The following DLG2 variants were observed in gnomAD, a reference collection of about 807,000 sequenced individuals.
DLG2 encodes disks large homolog 2.
Under a neutral mutation model 132.5 loss-of-function variants are expected in DLG2, and 45 were observed. The ratio of observed to expected loss-of-function variants is 0.34; its 90% confidence interval spans 0.27 to 0.44. The LOEUF (loss-of-function observed/expected upper bound fraction) is 0.44, where lower values mean the gene tolerates loss of function less well. DLG2 is among the 20% of genes least tolerant of loss of function. The pLI, the probability that DLG2 is intolerant of heterozygous loss-of-function variation, is 1.00. For synonymous variants in DLG2, 424 were observed against 419.6 expected, an observed-to-expected ratio of 1.01 and a Z score of -0.13; for missense variants, 1,045 against 1,196.9, an observed-to-expected ratio of 0.87 and a Z score of 1.87.
intron 19 of DLG2, among the ~76,000 whole-genome samples, chr11:83,560,099 G>A (rs1464297404): frequency 6.6e-6 from 1 of 151,722 alleles, no homozygotes; most frequent in East Asian, 1.9e-4. Flanking sequence ...GAGAGGGGAA[G>A]GATGGGGGCT....
intron 7 of DLG2, among the ~76,000 whole-genome samples, chr11:84,303,177 A>C (rs568034231): frequency 6.6e-6 from 1 of 152,330 alleles, no homozygotes; most frequent in South Asian, 2.1e-4. Flanking sequence ...GTAATTAAGT[A>C]TGATAACAGG....
chr11:83,538,702 G>C (rs2095966936), intron 20 of DLG2, among the ~76,000 whole-genome samples: 1 of 152,190 alleles, frequency 6.6e-6, no homozygotes, highest in African/African-American at 2.4e-5. Context: ...CATGATCAGT[G>C]CTGTTATCAG....
In DLG2 at chr11:85,316,420, T is replaced by A. The variant is rs569909098; in HGVS notation, c.41-31055A>T. On this transcript the variant is annotated intron_variant, in intron 3 of 27. Coordinates refer to ENST00000376104, the MANE Select transcript of DLG2 (RefSeq NM_001142699.3). ...TTATATTTTTAAATATCTGGTACTATCTCCTACCAAGTGGGAGCCATATTG... is the reference window on the plus strand; with the variant it reads ...TTATATTTTTAAATATCTGGTACTAACTCCTACCAAGTGGGAGCCATATTG... Among the ~76,000 whole-genome samples, 8 of 152,102 alleles carry A rather than the reference T, an allele frequency of 5.3e-5. No individual in the cohort carries two copies. In the East Asian group the frequency reaches 1.5e-3, roughly 29 times the overall value.
chr11:83,786,858 A>C, intron 17 of DLG2, 66 bp from the exon 18 acceptor site: 1 of 1,448,378 alleles, frequency 6.9e-7, no homozygotes, highest in South Asian at 1.2e-5. Flanking sequence ...AGAAGAAAAA[A>C]GTTTCCCAAA....
Position 85,257,574 on chromosome 11 carries a change from AC to A in DLG2, c.186+27645del, listed in dbSNP as rs529534378. 8.0e-3 allele frequency among the ~76,000 whole-genome samples: 1,223 copies of A among 152,252 alleles called. 16 individuals are homozygous for A. The highest frequency in any genetic ancestry group is 0.028 in the African/African-American group (1,152 of 41,546). ...GAATTTTTAATAACAATGCAGTAAA[AC>A]TTTTTGATAAAGGTAAAGATGAGGT... On this transcript the variant is annotated intron_variant, in intron 4 of 27. Coordinates refer to ENST00000376104, the MANE Select transcript of DLG2 (RefSeq NM_001142699.3).
chr11:84,199,923 C>A (rs751000300), intron 8 of DLG2, among the ~76,000 whole-genome samples: 3 of 151,630 alleles, frequency 2.0e-5, no homozygotes, highest in Non-Finnish European at 2.9e-5. Context: ...ATGAAAAAAA[C>A]CACAGTTCTA....
At chr11:84,574,909 C>T (rs755081713) in intron 6 of DLG2, among the ~76,000 whole-genome samples, 9 of 152,120 alleles carry the variant, frequency 5.9e-5, no homozygotes, top group Admixed American at 2.0e-4. Context: ...AGCATCTACC[C>T]AGCCAACTGG....
intron 8 of DLG2, among the ~76,000 whole-genome samples, chr11:84,181,776 A>C (rs1294358703): frequency 6.6e-6 from 1 of 152,238 alleles, no homozygotes; most frequent in Admixed American, 6.6e-5. Flanking sequence ...AAATTATCAG[A>C]GATAAATAGA....
At chr11:85,567,266 T>C (rs1336991349) in intron 3 of DLG2, among the ~76,000 whole-genome samples, 1 of 152,212 alleles carries the variant, frequency 6.6e-6, no homozygotes, top group Non-Finnish European at 1.5e-5. Context: ...CAGGAAGTAT[T>C]ACCATCTTAA....
At chr11:83,735,873 C>A (rs1222967421) in intron 18 of DLG2, among the ~76,000 whole-genome samples, 1 of 152,140 alleles carries the variant, frequency 6.6e-6, no homozygotes, top group Non-Finnish European at 1.5e-5. Context: ...ACTGACTAAT[C>A]AAAATTAGCA....
intron 18 of DLG2, among the ~76,000 whole-genome samples, chr11:83,774,044 GA>G (rs1157455224): frequency 1.3e-5 from 2 of 152,166 alleles, no homozygotes; most frequent in Non-Finnish European, 2.9e-5. Context: ...GCTCTGGCTG[GA>G]GTGGGACTGG....
intron 9 of DLG2, among the ~76,000 whole-genome samples, chr11:84,143,480 TA>T (rs2094941937): frequency 6.6e-6 from 1 of 152,190 alleles, no homozygotes; most frequent in South Asian, 2.1e-4. Flanking sequence ...CCAAACATCT[TA>T]AACTTTAAAA....
Position 84,099,064 on chromosome 11 carries a change from C to G in DLG2, c.625-17G>C. 2 of 1,611,142 alleles carry G rather than the reference C, an allele frequency of 1.2e-6. No individual in the cohort carries two copies. Among genetic ancestry groups the G allele is most frequent in the South Asian group, 2.2e-5 (2 of 91,010 alleles). The stretch of plus-strand genomic sequence containing the variant: ...AGAATTCCCCTATAGAAACAAAAAG[C>G]AGATATTAAATGATGTGTCTGTCAC... On this transcript the variant is annotated splice_polypyrimidine_tract_variant and intron_variant, in intron 9 of 27. Transcript: ENST00000376104.
At chr11:84,917,484 A>G (rs1413695823) in intron 6 of DLG2, among the ~76,000 whole-genome samples, 1 of 152,228 alleles carries the variant, frequency 6.6e-6, no homozygotes, top group Non-Finnish European at 1.5e-5. Context: ...CTTCACTGGC[A>G]CTTAATATTT....
intron 7 of DLG2, among the ~76,000 whole-genome samples, chr11:84,382,110 A>G (rs1601084772): frequency 1.3e-5 from 2 of 152,308 alleles, no homozygotes; most frequent in South Asian, 4.1e-4. Context: ...AGCAGTCCTG[A>G]CATGGAAGGA....
chr11:83,577,878 A>C (rs2096905349), intron 19 of DLG2, among the ~76,000 whole-genome samples: 1 of 123,990 alleles, frequency 8.1e-6, no homozygotes, highest in African/African-American at 3.1e-5. Context: ...AATATATATA[A>C]TATAAATATA....
intron 6 of DLG2, among the ~76,000 whole-genome samples, chr11:84,752,569 T>C (rs1296239656): frequency 4.0e-5 from 6 of 150,636 alleles, no homozygotes; most frequent in Non-Finnish European, 7.4e-5. Flanking sequence ...TTTTTCTTTT[T>C]TTTTTTTTTT....
In DLG2 at chr11:83,573,824, G is replaced by T. The variant is rs181792812; in HGVS notation, c.1941-31966C>A. ...CCCCCAATACAGGATAACTACATGT[G>T]GTTCAGTCCTGGAGAAGCACAATTT... On this transcript the variant is annotated intron_variant, in intron 19 of 27. Transcript: ENST00000376104. Among the ~76,000 whole-genome samples, 386 of 152,216 alleles carry T rather than the reference G, an allele frequency of 2.5e-3. 3 individuals are homozygous for T. Among genetic ancestry groups the T allele is most frequent in the Non-Finnish European group, 1.8e-3 (125 of 68,004 alleles).
chr11:84,273,840 A>G (rs934672358), intron 7 of DLG2, among the ~76,000 whole-genome samples: 5 of 152,166 alleles, frequency 3.3e-5, no homozygotes, highest in Non-Finnish European at 7.3e-5. Context: ...CATATTCTTC[A>G]CCTACAGAGT....
Sources: gnomAD v4.1 joint callset for allele counts (sites outside exome capture counted in the v4.1 genomes callset) on GRCh38, gnomAD v4.1.1 for gene constraint, MANE v1.5 for transcripts, NCBI Gene and HGNC (gene_info 2026-07-23, HGNC 2026-07-21) for gene names.